Variants in GRIK1 observed in about 807,000 individuals in gnomAD.
GRIK1 encodes the protein glutamate ionotropic receptor kainate type subunit 1, also known as glutamate receptor ionotropic, kainate 1.
GRIK1 carries 69 observed loss-of-function variants against 105.7 expected under a neutral mutation model. That is an observed-to-expected ratio of 0.65 (90% CI 0.54 to 0.80). The LOEUF (loss-of-function observed/expected upper bound fraction) is 0.80, where lower values mean the gene tolerates loss of function less well. Ranked by LOEUF, GRIK1 falls within the 30% of genes least tolerant of loss-of-function variation. GRIK1 has a pLI of 0.00. For synonymous variants in GRIK1, 438 were observed against 431.3 expected, an observed-to-expected ratio of 1.02 and a Z score of -0.19; for missense variants, 1,109 against 1,167.3, an observed-to-expected ratio of 0.95 and a Z score of 0.73.
At chr21:29,606,426 C>T (rs2061617855) in intron 7 of GRIK1, among the ~76,000 whole-genome samples, 1 of 152,122 alleles carries the variant, frequency 6.6e-6, no homozygotes, top group Admixed American at 6.5e-5. Context: ...TATCCTGATG[C>T]TTTGACTTCC....
intron 1 of GRIK1, among the ~76,000 whole-genome samples, chr21:29,918,299 C>T (rs532053119): frequency 1.6e-4 from 24 of 152,048 alleles, no homozygotes; most frequent in Admixed American, 1.6e-3. Context: ...AACCACATTC[C>T]CAAGCACTGT....
intron 1 of GRIK1, among the ~76,000 whole-genome samples, chr21:29,937,072 C>T (rs985099314): frequency 7.7e-4 from 117 of 152,172 alleles, no homozygotes; most frequent in African/African-American, 2.8e-3. Context: ...TACAACTCCC[C>T]TTTCTTTTTC....
intron 1 of GRIK1, among the ~76,000 whole-genome samples, chr21:29,758,325 G>T (rs1319320052): frequency 1.3e-5 from 2 of 152,210 alleles, no homozygotes; most frequent in Non-Finnish European, 2.9e-5. Context: ...GTTCCACATG[G>T]ATGGGGAGCC....
intron 1 of GRIK1, among the ~76,000 whole-genome samples, chr21:29,717,983 G>A (rs1245424373): frequency 1.3e-5 from 2 of 152,078 alleles, no homozygotes; most frequent in Non-Finnish European, 2.9e-5. Flanking sequence ...ATGTTAGTGA[G>A]TGAGTTCTCA....
In GRIK1 at chr21:29,939,553, A is replaced by G; in HGVS notation, c.-53T>C. 4.3e-6 allele frequency: 5 copies of G among 1,152,078 alleles called. No homozygotes were observed. The highest frequency in any genetic ancestry group is 6.2e-6 in the Non-Finnish European group (5 of 810,044). 71.4% of individuals were successfully genotyped at this position (1,152,078 alleles called of 1,614,324 possible). On this transcript the variant is annotated 5_prime_UTR_variant, in exon 1 of 18. Transcript: ENST00000327783. The stretch of plus-strand genomic sequence containing the variant: ...ATACAGCCGCTGCCGGACGCCCGAG[A>G]GATGCACCCAACTTGGGCCGGGTCC...
At chr21:29,589,473 G>A (rs1206379739) in intron 10 of GRIK1, among the ~76,000 whole-genome samples, 1 of 150,754 alleles carries the variant, frequency 6.6e-6, no homozygotes, top group Admixed American at 6.6e-5. Flanking sequence ...CCAGCCTGGA[G>A]TGCAGTGGGG....
At chr21:29,762,447 G>T (rs1187303989) in intron 1 of GRIK1, among the ~76,000 whole-genome samples, 1 of 152,148 alleles carries the variant, frequency 6.6e-6, no homozygotes, top group Non-Finnish European at 1.5e-5. Flanking sequence ...TACATTTGAA[G>T]GTAAGCAGGC....
chr21:29,570,419 T>C (rs1305156745), intron 14 of GRIK1, among the ~76,000 whole-genome samples: 4 of 152,044 alleles, frequency 2.6e-5, no homozygotes, highest in African/African-American at 7.2e-5. Context: ...GGAGAATCAT[T>C]TGAACCTGGG....
At chr21:29,543,630 T>G (rs926829856) in intron 16 of GRIK1, among the ~76,000 whole-genome samples, 1 of 152,124 alleles carries the variant, frequency 6.6e-6, no homozygotes, top group Non-Finnish European at 1.5e-5. Context: ...AGAGGTTGAG[T>G]GTTGATCACC....
At chr21:29,741,598 A>T (rs568018929) in intron 1 of GRIK1, among the ~76,000 whole-genome samples, 1 of 152,320 alleles carries the variant, frequency 6.6e-6, no homozygotes, top group African/African-American at 2.4e-5. Flanking sequence ...ACTTATTTAA[A>T]TTTCAACAGC....
At chr21:29,773,033 G>T (rs945146925) in intron 1 of GRIK1, among the ~76,000 whole-genome samples, 2 of 152,162 alleles carry the variant, frequency 1.3e-5, no homozygotes, top group African/African-American at 4.8e-5. Context: ...TGATGTTGAG[G>T]GAGAGGAGGC....
intron 1 of GRIK1, among the ~76,000 whole-genome samples, chr21:29,806,665 T>C (rs532433768): frequency 4.6e-5 from 7 of 152,228 alleles, no homozygotes; most frequent in African/African-American, 1.7e-4. Flanking sequence ...ATTAAGTTAT[T>C]GTAGAGTCTA....
At chr21:29,634,412 C>A (rs2062351182) in intron 7 of GRIK1, among the ~76,000 whole-genome samples, 1 of 152,250 alleles carries the variant, frequency 6.6e-6, no homozygotes, top group African/African-American at 2.4e-5. Flanking sequence ...CATTCTTATG[C>A]AGTAAATTTA....
chr21:29,545,517 G>T (rs1321970169), intron 16 of GRIK1, among the ~76,000 whole-genome samples: 1 of 152,162 alleles, frequency 6.6e-6, no homozygotes, highest in Non-Finnish European at 1.5e-5. Flanking sequence ...GGCTGAATTA[G>T]GGCCATAAAA....
At chr21:29,658,292 C>T (rs1046838899) in intron 4 of GRIK1, among the ~76,000 whole-genome samples, 2 of 152,050 alleles carry the variant, frequency 1.3e-5, no homozygotes, top group Non-Finnish European at 2.9e-5. Context: ...GAAAGAGTCT[C>T]ATTCTGTCGC....
chr21:29,617,303 G>T (rs976356259), intron 7 of GRIK1, among the ~76,000 whole-genome samples: 10 of 152,104 alleles, frequency 6.6e-5, no homozygotes, highest in Admixed American at 6.6e-4. Context: ...CTTCAATAAC[G>T]CTGCTGCAGA....
intron 1 of GRIK1, among the ~76,000 whole-genome samples, chr21:29,810,007 A>ACTAAT (rs1314790832): frequency 6.6e-6 from 1 of 152,146 alleles, no homozygotes; most frequent in Non-Finnish European, 1.5e-5. Context: ...ATCAAAGATT[A>ACTAAT]CTAATCACAG....
intron 1 of GRIK1, among the ~76,000 whole-genome samples, chr21:29,783,010 C>T (rs1045931978): frequency 1.3e-5 from 2 of 152,136 alleles, no homozygotes; most frequent in Admixed American, 6.5e-5. Flanking sequence ...TGTCATTTCC[C>T]TACAAAAAGA....
intron 3 of GRIK1, among the ~76,000 whole-genome samples, chr21:29,687,103 T>C (rs2063499295): frequency 6.6e-6 from 1 of 152,216 alleles, no homozygotes; most frequent in Admixed American, 6.5e-5. Flanking sequence ...GAGGACAGAA[T>C]TCTGCTTGCT....
Sources: allele counts gnomAD v4.1 joint callset (sites outside exome capture counted in the v4.1 genomes callset), GRCh38; gene constraint gnomAD v4.1.1; transcripts MANE v1.5; gene names NCBI Gene and HGNC (gene_info 2026-07-23, HGNC 2026-07-21).